Variants in ATP10A observed in about 807,000 individuals in gnomAD.
ATP10A encodes phospholipid-transporting ATPase VA.
In ATP10A, 111 loss-of-function variants were observed where a neutral mutation model predicts 147.8. The observed-to-expected ratio is 0.75, with a 90% CI of 0.64 to 0.88. The LOEUF is 0.88. ATP10A is among the 40% of genes least tolerant of loss of function. The pLI is 0.00. For synonymous variants in ATP10A, 875 were observed against 841.6 expected (o/e 1.04, Z -0.69); for missense variants, 1,927 against 1,959.0 (o/e 0.98, Z 0.31).
chr15:25,681,098 A>T (rs1274904038), intron 17 of ATP10A, 24 bp from the exon 18 acceptor site: 30 of 1,605,022 alleles, frequency 1.9e-5, no homozygotes, highest in Non-Finnish European at 2.3e-5. Flanking sequence ...ACAATCAGTG[A>T]TGTTACAGTG....
At chr15:25,806,633 T>C (rs549725105) in intron 1 of ATP10A, among the ~76,000 whole-genome samples, 3 of 152,326 alleles carry the variant, frequency 2.0e-5, no homozygotes, top group African/African-American at 7.2e-5. Context: ...AATAACATGT[T>C]CTTTTCTCTA....
rs1893848962 is a variant in ATP10A at position 25,863,080 on chromosome 15, G to A, written c.17C>T (p.Ala6Val). MEREP[A>V]GTEEPGPPGR... ...CGGAGGCCCGGGCTCCTCGGTCCCC[G>A]CCGGCTCCCGCTCCATGGCCGCGTG... The change falls in exon 1 of 21, where the codon GCG (alanine) becomes GTG (valine). Residue 6 changes from alanine (A) to valine (V), a missense_variant. Physicochemically the swap from Ala to Val is moderately conservative, Grantham distance 64. Coordinates refer to ENST00000555815, the MANE Select transcript of ATP10A (RefSeq NM_024490.4). 1 of 1,208,632 alleles carries A rather than the reference G, an allele frequency of 8.3e-7. No individual in the cohort carries two copies. Among genetic ancestry groups the A allele is most frequent in the African/African-American group, 1.6e-5 (1 of 62,734 alleles). The allele number at this position is 1,208,632 out of a possible 1,614,324, so 74.9% of individuals were successfully genotyped here.
intron 3 of ATP10A, among the ~76,000 whole-genome samples, chr15:25,727,923 G>C (rs1902680147): frequency 6.6e-6 from 1 of 152,170 alleles, no homozygotes; most frequent in Non-Finnish European, 1.5e-5. Context: ...GGCAGTCTTG[G>C]GCTAGGACCG....
chr15:25,729,531 G>C (rs1225110967), intron 3 of ATP10A, among the ~76,000 whole-genome samples: 3 of 152,176 alleles, frequency 2.0e-5, no homozygotes, highest in African/African-American at 4.8e-5. Flanking sequence ...ACAGGCACCG[G>C]AGCAATCTTC....
intron 1 of ATP10A, among the ~76,000 whole-genome samples, chr15:25,830,669 C>T (rs990087524): frequency 4.6e-5 from 7 of 152,158 alleles, no homozygotes; most frequent in Non-Finnish European, 1.0e-4. Context: ...CTCACTGTGG[C>T]TCTGGGATCT....
chr15:25,759,940 G>C (rs934304128), intron 2 of ATP10A, among the ~76,000 whole-genome samples: 2 of 151,588 alleles, frequency 1.3e-5, no homozygotes, highest in Non-Finnish European at 1.5e-5. Flanking sequence ...TTATTTCACA[G>C]TGATCTGTGT....
chr15:25,741,870 TACCCAAGTGAAAGCGTCTGGTGGCAAGAA>T lies in ATP10A; in HGVS notation c.655-5758_655-5730del, dbSNP rs578146868. ...ATTGAAAAAATAAATAATAAATAAATACCCAAGTGAAAGCGTCTGGTGGCAAGAAACACCGAACGTACAAGGAAACTTAA... is the reference window on the plus strand; with the variant it reads ...ATTGAAAAAATAAATAATAAATAAATACACCGAACGTACAAGGAAACTTAA... On this transcript the variant is annotated intron_variant, in intron 2 of 20. Transcript: ENST00000555815. Among the ~76,000 whole-genome samples, 331 of 152,282 alleles carry T rather than the reference TACCCAAGTGAAAGCGTCTGGTGGCAAGAA, an allele frequency of 2.2e-3. 4 individuals carry two copies. The highest frequency in any genetic ancestry group is 1.5e-3 in the Non-Finnish European group (104 of 68,020).
chr15:25,822,382 G>T (rs1004773587), intron 1 of ATP10A, among the ~76,000 whole-genome samples: 1 of 152,156 alleles, frequency 6.6e-6, no homozygotes, highest in Non-Finnish European at 1.5e-5. Context: ...TAACATTCTA[G>T]ACTGGATATG....
intron 1 of ATP10A, chr15:25,848,922 G>A (rs1390817421): frequency 6.5e-6 from 1 of 153,486 alleles, no homozygotes; most frequent in Non-Finnish European, 1.5e-5. Context: ...CAGGTCAGGA[G>A]AGGACTGCCA....
chr15:25,744,843 C>G (rs1159105528), intron 2 of ATP10A, among the ~76,000 whole-genome samples: 1 of 151,606 alleles, frequency 6.6e-6, no homozygotes, highest in Non-Finnish European at 1.5e-5. Flanking sequence ...TAATCAGGGC[C>G]CCAGAAGAAA....
chr15:25,835,905 C>CG (rs1892572163), intron 1 of ATP10A, among the ~76,000 whole-genome samples: 1 of 152,202 alleles, frequency 6.6e-6, no homozygotes, highest in Non-Finnish European at 1.5e-5. Context: ...GCTCTGCCTC[C>CG]GGGGCTCACG....
chr15:25,739,797 G>T (rs753393175), intron 2 of ATP10A, among the ~76,000 whole-genome samples: 3 of 152,230 alleles, frequency 2.0e-5, no homozygotes, highest in Non-Finnish European at 2.9e-5. Context: ...TTGTCTTACA[G>T]ATATTTCTGA....
chr15:25,676,881 T>A (rs1333384165), downstream of ATP10A, among the ~76,000 whole-genome samples: 1 of 152,204 alleles, frequency 6.6e-6, no homozygotes, highest in East Asian at 1.9e-4. Context: ...TATTAAATCA[T>A]AATGGGTTAC....
rs201476883 is a variant in ATP10A, at chr15:25,722,321, G to A, written c.1111-412C>T. 1.2e-4 allele frequency among the ~76,000 whole-genome samples: 19 copies of A among 152,266 alleles called. 1 individual carries two copies. The East Asian group carries it at 3.5e-3, about 28-fold the overall frequency. On this transcript the variant is annotated intron_variant, in intron 6 of 20. Coordinates refer to ENST00000555815, the MANE Select transcript of ATP10A (RefSeq NM_024490.4). ...GCATTCGACCCCCAGGCTTTCCCTG[G>A]GCTCCCATTTCCCAGGGATACAACC...
intron 3 of ATP10A, 75 bp from the exon 4 acceptor site, chr15:25,727,341 G>T (rs1428759630): frequency 7.9e-7 from 1 of 1,258,474 alleles, no homozygotes; most frequent in East Asian, 2.3e-5. Flanking sequence ...ATGCCTTGAG[G>T]AAGGAAGGCC....
intron 1 of ATP10A, among the ~76,000 whole-genome samples, chr15:25,789,457 C>A (rs1012541980): frequency 2.0e-5 from 3 of 152,032 alleles, no homozygotes; most frequent in Admixed American, 1.3e-4. Flanking sequence ...AGGATCACCA[C>A]AAGAGATCCA....
At chr15:25,816,872 T>C (rs1052140714) in intron 1 of ATP10A, among the ~76,000 whole-genome samples, 2 of 152,114 alleles carry the variant, frequency 1.3e-5, no homozygotes, top group Non-Finnish European at 2.9e-5. Context: ...TAAAAATGGA[T>C]CTTAAAAATC....
At chr15:25,711,267 T>C (rs2140380504) in intron 10 of ATP10A, among the ~76,000 whole-genome samples, 1 of 152,188 alleles carries the variant, frequency 6.6e-6, no homozygotes, top group East Asian at 1.9e-4. Context: ...TCAGATTAAG[T>C]CTGGAGTGGG....
intron 1 of ATP10A, among the ~76,000 whole-genome samples, chr15:25,803,823 G>C (rs1460651585): frequency 1.3e-5 from 2 of 152,202 alleles, no homozygotes; most frequent in Admixed American, 1.3e-4. Flanking sequence ...AGTGTAACCG[G>C]GAGCCGCTGC....
Sources: gnomAD v4.1 joint callset for allele counts (sites outside exome capture counted in the v4.1 genomes callset) on GRCh38, gnomAD v4.1.1 for gene constraint, MANE v1.5 for transcripts, NCBI Gene and HGNC (gene_info 2026-07-23, HGNC 2026-07-21) for gene names.